Variants in CDK17 observed in about 807,000 individuals in gnomAD.
CDK17 encodes cyclin dependent kinase 17.
CDK17 carries 24 observed loss-of-function variants against 77.6 expected under a neutral mutation model. The ratio of observed to expected loss-of-function variants is 0.31; its 90% CI spans 0.22 to 0.44. The LOEUF (loss-of-function observed/expected upper bound fraction) is 0.44. Among genes scored for constraint, CDK17 ranks in the 20% least tolerant of loss-of-function variants. The pLI is 1.00. For missense variants in CDK17, 429 were observed against 622.5 expected, an observed-to-expected ratio of 0.69 and a Z score of 3.31; for synonymous variants, 203 against 210.4, an observed-to-expected ratio of 0.96 and a Z score of 0.30.
chr12:96,294,388 T>G (rs1005162311), intron 10 of CDK17, among the ~76,000 whole-genome samples: 7 of 151,484 alleles, frequency 4.6e-5, no homozygotes, highest in African/African-American at 1.5e-4. Flanking sequence ...GGTCAGGAGT[T>G]CGAGATCAGC....
chr12:96,286,782 AT>A (rs1436459286), intron 11 of CDK17, 21 bp from the exon 12 acceptor site: 1 of 1,555,542 alleles, frequency 6.4e-7, no homozygotes, highest in Non-Finnish European at 8.8e-7. Flanking sequence ...GATCATGAAA[AT>A]AATTTAGCAA....
At chr12:96,349,535 C>CAAAA (rs34417608) in intron 1 of CDK17, among the ~76,000 whole-genome samples, 1 of 106,082 alleles carries the variant, frequency 9.4e-6, no homozygotes, top group African/African-American at 3.4e-5. Flanking sequence ...ATTGATTTAG[C>CAAAA]AAAAAAAAAA....
chr12:96,347,608 G>A (rs180979666), intron 1 of CDK17, among the ~76,000 whole-genome samples: 39 of 21,240 alleles, frequency 1.8e-3, no homozygotes, highest in African/African-American at 7.9e-3. Context: ...GAGGGGAAGG[G>A]AGGGGAAGGG....
At chr12:96,289,126 T>C (rs1282909449) in intron 11 of CDK17, 41 bp downstream of exon 11, 10 of 1,603,740 alleles carry the variant, frequency 6.2e-6, no homozygotes, top group Non-Finnish European at 8.5e-6. Context: ...AGTTACATTC[T>C]TTCAAAATTA....
chr12:96,285,284 T>G (rs1952232134), intron 13 of CDK17, among the ~76,000 whole-genome samples: 1 of 152,196 alleles, frequency 6.6e-6, no homozygotes, highest in South Asian at 2.1e-4. Context: ...ACATAAATAC[T>G]TTAAAAATAT....
chr12:96,378,306 A>G (rs1953821208), intron 1 of CDK17, among the ~76,000 whole-genome samples: 1 of 152,314 alleles, frequency 6.6e-6, no homozygotes, highest in East Asian at 1.9e-4. Flanking sequence ...ATAATTCAAT[A>G]TTACTTTTTT....
At chr12:96,357,249 C>T (rs1953408812) in intron 1 of CDK17, among the ~76,000 whole-genome samples, 1 of 147,602 alleles carries the variant, frequency 6.8e-6, no homozygotes, top group Non-Finnish European at 1.5e-5. Flanking sequence ...ATCTCGAGGC[C>T]AGGAGTTTGA....
At chr12:96,380,347 T>C (rs1953860470) in intron 1 of CDK17, among the ~76,000 whole-genome samples, 1 of 150,532 alleles carries the variant, frequency 6.6e-6, no homozygotes, top group South Asian at 2.1e-4. Context: ...AATGGTGCGA[T>C]CTCAGCTCAC....
intron 1 of CDK17, among the ~76,000 whole-genome samples, chr12:96,390,290 G>A (rs1483905267): frequency 3.3e-5 from 5 of 150,778 alleles, no homozygotes; most frequent in Middle Eastern, 3.4e-3. Flanking sequence ...CAACACGCCC[G>A]GCTAATTTTT....
chr12:96,317,653 TAAAG>T (rs1001844318), intron 3 of CDK17, among the ~76,000 whole-genome samples: 33 of 128,124 alleles, frequency 2.6e-4, no homozygotes, highest in Middle Eastern at 3.6e-3. Flanking sequence ...TCAACATTCT[TAAAG>T]AAAAGAATTT....
At chr12:96,336,918 A>G (rs1953048619) in intron 1 of CDK17, among the ~76,000 whole-genome samples, 1 of 152,098 alleles carries the variant, frequency 6.6e-6, no homozygotes, top group African/African-American at 2.4e-5. Flanking sequence ...CAATCTATCA[A>G]TCTGTTTCTC....
intron 2 of CDK17, among the ~76,000 whole-genome samples, chr12:96,330,353 T>C (rs920913063): frequency 1.3e-5 from 2 of 151,890 alleles, no homozygotes; most frequent in Admixed American, 1.3e-4. Context: ...GAAGCTCAGA[T>C]GAACTGAATT....
chr12:96,325,632 G>A (rs1461333978), intron 2 of CDK17, among the ~76,000 whole-genome samples: 1 of 152,170 alleles, frequency 6.6e-6, no homozygotes, highest in Non-Finnish European at 1.5e-5. Flanking sequence ...ATCTAATCTG[G>A]GTCAAAGACA....
Position 96,368,826 on chromosome 12 carries a change from A to G in CDK17, c.-30+31160T>C, listed in dbSNP as rs1020351357. On this transcript the variant is annotated intron_variant, in intron 1 of 16. Coordinates refer to ENST00000261211, the MANE Select transcript of CDK17 (RefSeq NM_002595.5). ...TAAGACGGGGGGGGGGGGGGGGGGC[A>G]CAATGAATAAGGCTGGAAAGGAGCA... 2.1e-3 allele frequency among the ~76,000 whole-genome samples: 199 copies of G among 94,952 alleles called. 1 individual carries two copies. The highest frequency in any genetic ancestry group is 6.8e-3 in the African/African-American group (185 of 27,030). 62.3% of individuals were successfully genotyped at this position (94,952 alleles called of 152,430 possible).
chr12:96,308,369 C>T (rs1385164748), intron 5 of CDK17, among the ~76,000 whole-genome samples: 1 of 151,804 alleles, frequency 6.6e-6, no homozygotes, highest in East Asian at 1.9e-4. Flanking sequence ...TATGATCGTG[C>T]TACTGCATTC....
chr12:96,293,543 A>G (rs1235112952), intron 10 of CDK17, among the ~76,000 whole-genome samples: 1 of 152,250 alleles, frequency 6.6e-6, no homozygotes, highest in Admixed American at 6.5e-5. Flanking sequence ...TTTCTGATAA[A>G]TGTGAATAGT....
chr12:96,368,618 C>A lies in CDK17; in HGVS notation c.-30+31368G>T, dbSNP rs180830278. The stretch of plus-strand genomic sequence containing the variant: ...CAGTTCCCTAATAAGTAAAATAAAT[C>A]TAAGTAGGAAATATCCTCCTTTTAA... On this transcript the variant is annotated intron_variant, in intron 1 of 16. Transcript: ENST00000261211. Among the ~76,000 whole-genome samples, 444 of 152,216 alleles carry A rather than the reference C, an allele frequency of 2.9e-3. 2 individuals carry two copies. The highest frequency in any genetic ancestry group is 6.8e-3 in the Middle Eastern group (2 of 294).
intron 5 of CDK17, among the ~76,000 whole-genome samples, chr12:96,306,250 C>T (rs896178440): frequency 2.6e-5 from 4 of 152,028 alleles, no homozygotes; most frequent in Non-Finnish European, 4.4e-5. Context: ...ATTTTTACTA[C>T]TCATTATATA....
chr12:96,290,186 T>C (rs1237263507), intron 10 of CDK17, among the ~76,000 whole-genome samples: 1 of 152,246 alleles, frequency 6.6e-6, no homozygotes, highest in Non-Finnish European at 1.5e-5. Context: ...CCTTTGCTAA[T>C]TTAATATGGA....
Sources: gnomAD v4.1 joint callset for allele counts (sites outside exome capture counted in the v4.1 genomes callset) on GRCh38, gnomAD v4.1.1 for gene constraint, MANE v1.5 for transcripts, NCBI Gene and HGNC (gene_info 2026-07-23, HGNC 2026-07-21) for gene names.